The following PACRG variants were observed in gnomAD, a reference collection of about 807,000 sequenced individuals.
PACRG encodes the protein parkin coregulated.
Under a neutral mutation model 29.7 loss-of-function variants are expected in PACRG, and 29 were observed. That is an observed-to-expected ratio of 0.98 (90% CI 0.73 to 1.33). PACRG has a LOEUF of 1.33. Ranked by LOEUF, PACRG falls within the 40% of genes most tolerant of loss-of-function variation. PACRG has a pLI of 0.00. For synonymous variants in PACRG, 116 were observed against 118.7 expected (o/e 0.98, Z 0.15); for missense variants, 279 against 316.2 (o/e 0.88, Z 0.89).
chr6:163,297,825 G>A (rs1439277998), intron 4 of PACRG, among the ~76,000 whole-genome samples: 1 of 152,012 alleles, frequency 6.6e-6, no homozygotes, highest in Non-Finnish European at 1.5e-5. Flanking sequence ...TGGGTGGGTG[G>A]GTGTGCAGTC....
chr6:163,095,191 C>T, intron 4 of PACRG: 13 of 915,110 alleles, frequency 1.4e-5, no homozygotes, highest in Non-Finnish European at 1.7e-5. Flanking sequence ...CCTACACATG[C>T]TTATGAGGTT....
intron 1 of PACRG, among the ~76,000 whole-genome samples, chr6:162,810,951 C>T (rs1786810636): frequency 6.6e-6 from 1 of 152,018 alleles, no homozygotes; most frequent in African/African-American, 2.4e-5. Flanking sequence ...GAACAAACTT[C>T]AAACAGGATA....
At chr6:163,130,076 G>A (rs532804804) in intron 4 of PACRG, among the ~76,000 whole-genome samples, 1 of 152,252 alleles carries the variant, frequency 6.6e-6, no homozygotes, top group Non-Finnish European at 1.5e-5. Context: ...AAGGAGAAAT[G>A]GCAAAGGCAA....
intron 4 of PACRG, among the ~76,000 whole-genome samples, chr6:163,220,018 A>G (rs1781515073): frequency 6.6e-6 from 1 of 152,148 alleles, no homozygotes; most frequent in Admixed American, 6.5e-5. Context: ...AAACCAAGTC[A>G]TCATCTACTA....
In PACRG at chr6:162,881,101, A is replaced by G. The variant is rs561989291; in HGVS notation, c.291+66820A>G. ...TCAGGGAATAAAACTGGACTGAATG[A>G]GCCTGTGTATGGACCACAGGCTCAG... On this transcript the variant is annotated intron_variant, in intron 2 of 4. Transcript: ENST00000366888. 6.6e-5 allele frequency among the ~76,000 whole-genome samples: 10 copies of G among 152,336 alleles called. No homozygotes were observed. In the South Asian group the frequency reaches 1.7e-3, roughly 25 times the overall value.
chr6:163,235,273 A>G (rs1406254970), intron 4 of PACRG, among the ~76,000 whole-genome samples: 2 of 152,212 alleles, frequency 1.3e-5, no homozygotes, highest in Admixed American at 1.3e-4. Context: ...CAGTCTAATG[A>G]TAATCCTGAA....
At chr6:162,820,516 A>G (rs1487123641) in intron 2 of PACRG, among the ~76,000 whole-genome samples, 4 of 152,208 alleles carry the variant, frequency 2.6e-5, no homozygotes, top group African/African-American at 9.6e-5. Flanking sequence ...CTGCATTTTA[A>G]AGTAAATCAC....
intron 1 of PACRG, among the ~76,000 whole-genome samples, chr6:162,748,799 T>A (rs6901401): frequency 0.68 from 102,585 of 151,970 alleles, 35,617 homozygotes; most frequent in African/African-American, 0.84. Flanking sequence ...TCTCTACGTA[T>A]TATGCTTATA....
At chr6:162,959,662 G>T (rs4389743) in intron 2 of PACRG, among the ~76,000 whole-genome samples, 23,654 of 152,026 alleles carry the variant, frequency 0.16, 3,235 homozygotes, top group African/African-American at 0.36. Flanking sequence ...CTCCTGAGTT[G>T]AGAAGAAATT....
intron 2 of PACRG, among the ~76,000 whole-genome samples, chr6:162,862,360 A>G (rs571976812): frequency 1.8e-4 from 27 of 152,300 alleles, no homozygotes; most frequent in Middle Eastern, 6.8e-3. Flanking sequence ...GACCCCCTGT[A>G]TACTCTGTGG....
intron 2 of PACRG, among the ~76,000 whole-genome samples, chr6:162,870,063 G>T (rs181925040): frequency 6.6e-6 from 1 of 152,134 alleles, no homozygotes; most frequent in Admixed American, 6.5e-5. Flanking sequence ...TCTTTGAAAG[G>T]CTTCTGAGAT....
rs568200906 is a variant in PACRG, at chr6:163,212,848, G to A, written c.614-101979G>A. On this transcript the variant is annotated intron_variant, in intron 4 of 4. Transcript: ENST00000366888. ...GGCTGGATTGCAGTGGCACGATCTC[G>A]GCTCACTGCAAGCTATGCCTCCCAG... Among the ~76,000 whole-genome samples the A allele has an allele frequency of 1.7e-3, 262 of 151,010 alleles. 1 individual carries two copies. Among genetic ancestry groups the A allele is most frequent in the African/African-American group, 6.0e-3 (246 of 41,048 alleles).
chr6:162,834,820 T>G (rs1165758673), intron 2 of PACRG, among the ~76,000 whole-genome samples: 1 of 152,068 alleles, frequency 6.6e-6, no homozygotes, highest in Non-Finnish European at 1.5e-5. Context: ...AAGAGCATAA[T>G]CAGGGCTTAT....
intron 2 of PACRG, among the ~76,000 whole-genome samples, chr6:163,054,771 G>C (rs1038776425): frequency 6.6e-5 from 10 of 152,148 alleles, no homozygotes; most frequent in African/African-American, 2.4e-4. Flanking sequence ...TCGCATCCCA[G>C]TTTCCACACA....
intron 1 of PACRG, among the ~76,000 whole-genome samples, chr6:162,756,197 T>A (rs1480593966): frequency 6.6e-6 from 1 of 152,236 alleles, no homozygotes; most frequent in Non-Finnish European, 1.5e-5. Context: ...AATGTTTCTT[T>A]ATTGATATTC....
intron 4 of PACRG, among the ~76,000 whole-genome samples, chr6:163,304,879 GGA>G (rs1435997036): frequency 6.6e-6 from 1 of 152,184 alleles, no homozygotes; most frequent in Non-Finnish European, 1.5e-5. Flanking sequence ...TATAGAACAT[GGA>G]GACACTGATT....
rs975851147 is a variant in PACRG at position 162,739,806 on chromosome 6, C to T, written c.156+11415C>T. Among the ~76,000 whole-genome samples, 3 of 146,176 alleles carry T rather than the reference C, an allele frequency of 2.1e-5. No homozygotes were observed. In the Admixed American group the frequency reaches 2.1e-4, roughly 10 times the overall value. ...GCAGTGAGCTGAGATAGTGCCACTG[C>T]ACTCCAGCCTGGCAACAGAGTGAGG... On this transcript the variant is annotated intron_variant, in intron 1 of 4. Coordinates refer to ENST00000366888, the MANE Select transcript of PACRG (RefSeq NM_001080379.2).
intron 3 of PACRG, among the ~76,000 whole-genome samples, chr6:163,068,723 G>A (rs1274075534): frequency 2.0e-5 from 3 of 151,690 alleles, no homozygotes; most frequent in Non-Finnish European, 4.4e-5. Context: ...AAATGTCCTT[G>A]ACTCTATCTT....
intron 4 of PACRG, among the ~76,000 whole-genome samples, chr6:163,115,967 A>G (rs919972537): frequency 1.3e-5 from 2 of 152,204 alleles, no homozygotes; most frequent in African/African-American, 4.8e-5. Context: ...GCCTATGGGC[A>G]TTTGGGGCCT....
Sources: gnomAD v4.1 joint callset for allele counts (sites outside exome capture counted in the v4.1 genomes callset) on GRCh38, gnomAD v4.1.1 for gene constraint, MANE v1.5 for transcripts, NCBI Gene and HGNC (gene_info 2026-07-23, HGNC 2026-07-21) for gene names.